Variants in NOX4 observed in about 807,000 individuals in gnomAD.
NOX4 encodes NADPH oxidase 4.
A neutral mutation model predicts 87.6 loss-of-function variants in NOX4; 69 were observed. The ratio of observed to expected loss-of-function variants is 0.79; its 90% CI spans 0.65 to 0.96. The LOEUF is 0.96. NOX4 is among the 40% of genes least tolerant of loss of function. The pLI is 0.00. For synonymous variants in NOX4, 275 were observed against 238.2 expected, an observed-to-expected ratio of 1.15 and a Z score of -1.42; for missense variants, 680 against 681.5, an observed-to-expected ratio of 1.00 and a Z score of 0.02.
the NOX4 span, among the ~76,000 whole-genome samples, chr11:89,583,854 A>G: frequency 6.6e-6 from 1 of 152,178 alleles, no homozygotes. Context: ...TGCACTTCGC[A>G]CATGGCAGTG....
At chr11:89,353,560 C>A (rs1454673062) in intron 13 of NOX4, among the ~76,000 whole-genome samples, 1 of 152,068 alleles carries the variant, frequency 6.6e-6, no homozygotes, top group African/African-American at 2.4e-5. Flanking sequence ...GTTAAAATTA[C>A]TTTTATATGC....
chr11:89,475,263 A>G (rs1565337457), intron 2 of NOX4, among the ~76,000 whole-genome samples: 2 of 152,024 alleles, frequency 1.3e-5, no homozygotes, highest in Non-Finnish European at 2.9e-5. Context: ...AACATTTTTT[A>G]ATTTTCCCCT....
chr11:89,572,531 G>T, the NOX4 span, among the ~76,000 whole-genome samples: 238 of 151,580 alleles, frequency 1.6e-3, no homozygotes, highest in African/African-American at 5.0e-3. Context: ...ATGTTTTTTT[G>T]TTTGTTTGTT....
intron 12 of NOX4, 134 bp downstream of exon 12, chr11:89,373,298 A>AAAAAAAAAAC (rs1491198548): frequency 2.6e-6 from 1 of 383,564 alleles, no homozygotes; most frequent in African/African-American, 2.6e-5. Flanking sequence ...AAAAAAAAAA[A>AAAAAAAAAAC]CAAAAAAAAA....
At chr11:89,356,140 C>T (rs1938028433) in intron 12 of NOX4, among the ~76,000 whole-genome samples, 1 of 151,576 alleles carries the variant, frequency 6.6e-6, no homozygotes, top group Admixed American at 6.6e-5. Flanking sequence ...TAAAGCAAAC[C>T]AATTAAAAAG....
At chr11:89,488,845 T>C (rs539657123) in intron 2 of NOX4, 3 of 590,558 alleles carry the variant, frequency 5.1e-6, no homozygotes, top group Non-Finnish European at 9.0e-6. Context: ...TCAGACCTCA[T>C]GTGTTTATTA....
rs11821367 is a variant in NOX4, at chr11:89,451,690, T to C, written c.264+95A>G. The stretch of plus-strand genomic sequence containing the variant: ...ATCATCTTACAAGAAATCACTCCAG[T>C]CAAAAGTCAGACTATGAAAAGTAAA... On this transcript the variant is annotated intron_variant, in intron 3 of 17. Coordinates refer to ENST00000263317, the MANE Select transcript of NOX4 (RefSeq NM_016931.5). 0.014 allele frequency: 11,668 copies of C among 816,712 alleles called. 700 individuals are homozygous for C. In the African/African-American group the frequency reaches 0.15, roughly 11 times the overall value. The allele number at this position is 816,712 out of a possible 1,614,324, so 50.6% of individuals were successfully genotyped here. A position where few individuals can be genotyped will look rare whatever the true frequency, so the allele number is the denominator to read the frequency against.
the NOX4 span, among the ~76,000 whole-genome samples, chr11:89,510,534 G>A: frequency 6.6e-6 from 1 of 152,008 alleles, no homozygotes; most frequent in Non-Finnish European, 1.5e-5. Context: ...GCAAAAGAAT[G>A]TGGAATACTG....
chr11:89,449,326 T>C (rs1944844355), intron 4 of NOX4, 114 bp downstream of exon 4: 1 of 685,828 alleles, frequency 1.5e-6, no homozygotes, highest in Non-Finnish European at 2.4e-6. Flanking sequence ...CAGTGGTTGT[T>C]CTGGAAGAAT....
chr11:89,459,942 G>A (rs546736599), intron 2 of NOX4, among the ~76,000 whole-genome samples: 101 of 152,196 alleles, frequency 6.6e-4, no homozygotes, highest in South Asian at 1.9e-3. Flanking sequence ...AAAACAGCAC[G>A]GTACTGCTAC....
chr11:89,559,378 G>A, the NOX4 span, among the ~76,000 whole-genome samples: 4 of 152,212 alleles, frequency 2.6e-5, no homozygotes, highest in South Asian at 2.1e-4. Flanking sequence ...AAGGAAGTAC[G>A]AGAATTAACC....
At chr11:89,339,263 C>T (rs1452321811) in intron 15 of NOX4, among the ~76,000 whole-genome samples, 1 of 152,078 alleles carries the variant, frequency 6.6e-6, no homozygotes, top group Non-Finnish European at 1.5e-5. Flanking sequence ...TCATCTCTAA[C>T]TGTTGGCACA....
Position 89,449,481 on chromosome 11 carries a change from G to A in NOX4, c.308C>T (p.Thr103Ile), listed in dbSNP as rs533598309. 1.9e-6 allele frequency: 3 copies of A among 1,612,180 alleles called. No homozygotes were observed. The African/African-American group carries it at 4.0e-5, about 22-fold the overall frequency. ...RTRRLLDKSRTFHITCGVTIC... is the reference protein window; with the variant it reads ...RTRRLLDKSRIFHITCGVTIC... ...AGTAACACCACAGGTAATATGGAAT[G>A]TTCTGCTTTTATCCAACAATCTCCT... is the stretch of plus-strand genomic sequence containing the variant. Residue 103 changes from threonine to isoleucine, a missense_variant, in exon 4 of 18, where the codon ACA becomes ATA. Thr to Ile is a moderately conservative substitution (Grantham distance 89, BLOSUM62 -1). Coordinates refer to ENST00000263317, the MANE Select transcript of NOX4 (RefSeq NM_016931.5).
intron 2 of NOX4, among the ~76,000 whole-genome samples, chr11:89,458,081 A>G (rs886232400): frequency 1.3e-5 from 2 of 152,226 alleles, no homozygotes; most frequent in Admixed American, 6.5e-5. Flanking sequence ...ATGGAACCAA[A>G]AAAGAACCCA....
the NOX4 span, among the ~76,000 whole-genome samples, chr11:89,506,269 G>GAA: frequency 1.0e-4 from 12 of 114,716 alleles, no homozygotes; most frequent in East Asian, 2.5e-4. Context: ...GAAAGAGAAA[G>GAA]AAAGAAAAAG....
the NOX4 span, among the ~76,000 whole-genome samples, chr11:89,512,054 G>A: frequency 6.6e-6 from 1 of 152,086 alleles, no homozygotes; most frequent in African/African-American, 2.4e-5. Context: ...TACCTGATAT[G>A]TTATCAGCTT....
chr11:89,510,019 G>C, the NOX4 span, among the ~76,000 whole-genome samples: 16 of 152,064 alleles, frequency 1.1e-4, 1 homozygote, highest in East Asian at 7.7e-4. Flanking sequence ...GTGGTAAATA[G>C]ATGACTTCCT....
the NOX4 span, among the ~76,000 whole-genome samples, chr11:89,531,937 A>G: frequency 6.6e-6 from 1 of 152,194 alleles, no homozygotes; most frequent in African/African-American, 2.4e-5. Context: ...ATTGCTTCAG[A>G]GAGTGCAAGC....
chr11:89,559,120 A>G, the NOX4 span, among the ~76,000 whole-genome samples: 3 of 152,092 alleles, frequency 2.0e-5, no homozygotes, highest in African/African-American at 4.8e-5. Context: ...AGTGCCTGTC[A>G]TATGCTAAAT....
Sources: allele counts gnomAD v4.1 joint callset (sites outside exome capture counted in the v4.1 genomes callset), GRCh38; gene constraint gnomAD v4.1.1; transcripts MANE v1.5; gene names NCBI Gene and HGNC (gene_info 2026-07-23, HGNC 2026-07-21).